Variants in PLXND1 observed in about 807,000 individuals in gnomAD.
The protein encoded by PLXND1 is plexin D1.
PLXND1 carries 54 observed loss-of-function variants against 197.7 expected under a neutral mutation model. The ratio of observed to expected loss-of-function variants is 0.27; its 90% CI spans 0.22 to 0.34. The LOEUF is 0.34. PLXND1 is among the 10% of genes least tolerant of loss of function. PLXND1 has a pLI of 1.00. For synonymous variants in PLXND1, 1,180 were observed against 1,161.2 expected (o/e 1.02, Z -0.33); for missense variants, 2,127 against 2,699.2 (o/e 0.79, Z 4.70).
chr3:129,556,853 G>A (rs892967406), intron 34 of PLXND1, 162 bp from the exon 35 acceptor site: 7 of 691,056 alleles, frequency 1.0e-5, no homozygotes, highest in African/African-American at 7.1e-5. Context: ...ACGGCTTCCC[G>A]GACCCTGAAG....
intron 3 of PLXND1, 85 bp downstream of exon 3, chr3:129,586,503 C>T (rs1000872594): frequency 2.3e-5 from 34 of 1,478,544 alleles, no homozygotes; most frequent in Non-Finnish European, 2.8e-5. Flanking sequence ...GTGCTCCCAG[C>T]AGAGGAACAG....
Position 129,561,706 on chromosome 3 carries a change from G to C in PLXND1, c.4933C>G (p.Pro1645Ala). The change falls in exon 29 of 36, where the codon CCT becomes GCT. Residue 1645 changes from proline to alanine, a missense_variant. Transcript: ENST00000324093. ...CTCATGGCCAGGGAGGCACCTTCAG[G>C]GATCTGATGGGAGGGGAGAGGCCGA... ...KLNTLAHYKIPEGASLAMSLI... is the reference protein window; with the variant it reads ...KLNTLAHYKIAEGASLAMSLI... The C allele has an allele frequency of 6.3e-7, 1 of 1,598,280 alleles. No homozygotes were observed.
rs200748769 is a variant in PLXND1, at chr3:129,573,577, G to A, written c.2837+17C>T. 46 of 1,607,720 alleles carry A rather than the reference G, an allele frequency of 2.9e-5. No individual in the cohort carries two copies. The highest frequency in any genetic ancestry group is 8.4e-5 in the Admixed American group (5 of 59,804). The stretch of plus-strand genomic sequence containing the variant: ...GCACTGCTGGAGAAGGTAGGTGGGG[G>A]CACCGTGGCTACTCACTCCTCCGAC... On this transcript the variant is annotated intron_variant, in intron 13 of 35. Coordinates refer to ENST00000324093, the MANE Select transcript of PLXND1 (RefSeq NM_015103.3).
intron 25 of PLXND1, among the ~76,000 whole-genome samples, chr3:129,564,985 C>T (rs2085117101): frequency 6.6e-6 from 1 of 152,256 alleles, no homozygotes; most frequent in African/African-American, 2.4e-5. Flanking sequence ...CTCGCCTAGC[C>T]TAGGGCTGGG....
At position 129,605,546 on chromosome 3, in the gene PLXND1, C is replaced by A; in HGVS notation, c.1094G>T (p.Arg365Leu). ...YSRLVSVFPA[R>L]ERLFAVFERP... ...CTCGAAGACAGCAAAGAGCCGCTCC[C>A]GGGCTGGGAAGACCGACACCAGGCG... The change falls in exon 1 of 36, where the codon CGG (arginine) becomes CTG (leucine). Residue 365 changes from arginine to leucine, a missense_variant. Coordinates refer to ENST00000324093, the MANE Select transcript of PLXND1 (RefSeq NM_015103.3). The A allele has an allele frequency of 1.3e-6, 2 of 1,508,178 alleles. No individual in the cohort carries two copies. Among genetic ancestry groups the A allele is most frequent in the Non-Finnish European group, 1.8e-6 (2 of 1,131,364 alleles). 93.4% of individuals were successfully genotyped at this position (1,508,178 alleles called of 1,614,324 possible). A position where few individuals can be genotyped will look rare whatever the true frequency, so the allele number is the denominator to read the frequency against.
chr3:129,572,819 A>C (rs1272788967), intron 14 of PLXND1, 23 bp downstream of exon 14: 1 of 1,612,380 alleles, frequency 6.2e-7, no homozygotes. Context: ...CGGGCCGGAC[A>C]GTGGGCTGCA....
intron 25 of PLXND1, among the ~76,000 whole-genome samples, chr3:129,564,122 GC>G (rs1241211566): frequency 3.3e-5 from 5 of 152,208 alleles, no homozygotes; most frequent in Non-Finnish European, 7.3e-5. Context: ...CAGTGAGGCA[GC>G]CCGCAGAAGG....
intron 20 of PLXND1, 196 bp downstream of exon 20, chr3:129,569,647 C>A: frequency 1.8e-6 from 1 of 568,200 alleles, no homozygotes; most frequent in Non-Finnish European, 3.2e-6. Context: ...GGCCACCTAA[C>A]ATCTTCTACC....
At position 129,605,866 on chromosome 3, in the gene PLXND1, G is replaced by A. The variant is rs377056823; in HGVS notation, c.774C>T (p.Asn258=). 113 of 1,613,546 alleles carry A rather than the reference G, an allele frequency of 7.0e-5. No homozygotes were observed. Among genetic ancestry groups the A allele is most frequent in the Non-Finnish European group, 7.6e-5 (90 of 1,179,912 alleles). The change falls in exon 1 of 36, where the codon AAC becomes AAT. Residue 258 remains asparagine (N), a synonymous_variant. Transcript: ENST00000324093. ...DLAKLFTFDL[N]PSDDNILKIK... ...TCTTGAGGATGTTGTCGTCGGAGGG[G>A]TTGAGGTCGAAGGTGAAGAGCTTGG...
intron 9 of PLXND1, 83 bp from the exon 10 acceptor site, chr3:129,575,938 G>C (rs113081944): frequency 1.2e-6 from 1 of 803,658 alleles, no homozygotes; most frequent in Admixed American, 2.0e-5. Context: ...AGGACACCAC[G>C]GGCTCCTGCT....
intron 2 of PLXND1, among the ~76,000 whole-genome samples, chr3:129,588,425 C>G (rs958868790): frequency 3.4e-5 from 5 of 148,954 alleles, no homozygotes; most frequent in African/African-American, 7.3e-5. Flanking sequence ...GGAGAAGAAA[C>G]TGGCCCCAAG....
chr3:129,560,588 C>A (rs1470742214), intron 30 of PLXND1, 101 bp downstream of exon 30: 4 of 1,033,636 alleles, frequency 3.9e-6, no homozygotes, highest in Non-Finnish European at 6.0e-6. Flanking sequence ...CAGCCTTTCG[C>A]AGGGCTGGGA....
In PLXND1 at chr3:129,560,410, C is replaced by T. The variant is rs758434379; in HGVS notation, c.5053G>A (p.Glu1685Lys). 2.5e-6 allele frequency: 4 copies of T among 1,613,784 alleles called. No homozygotes were observed. In the East Asian group the frequency reaches 6.7e-5, roughly 27 times the overall value. Residue 1685 changes from glutamate to lysine, a missense_variant, in exon 31 of 36, where the codon GAG (glutamate) becomes AAG (lysine). Glu to Lys is a moderately conservative substitution (Grantham distance 56). Coordinates refer to ENST00000324093, the MANE Select transcript of PLXND1 (RefSeq NM_015103.3). ...CTCTGCCGGTGAGACTTCTTGGGCT[C>T]CGCCAGCTCGTCCGTAGGCAGCACC... ...HLVLPTDELAEPKKSHRQSHR... is the reference protein window; with the variant it reads ...HLVLPTDELAKPKKSHRQSHR...
chr3:129,555,250 T>C lies in PLXND1; in HGVS notation c.*1062A>G. ...GTAAGGCTTTTATTATAAAGAAGATTCCAGAGTCCCAGCTGCCCCCCTCCA... is the reference window on the plus strand; with the variant it reads ...GTAAGGCTTTTATTATAAAGAAGATCCCAGAGTCCCAGCTGCCCCCCTCCA... On this transcript the variant is annotated 3_prime_UTR_variant, in exon 36 of 36. Coordinates refer to ENST00000324093, the MANE Select transcript of PLXND1 (RefSeq NM_015103.3). The C allele has an allele frequency of 2.2e-6, 1 of 454,786 alleles. No homozygotes were observed. The highest frequency in any genetic ancestry group is 3.8e-6 in the Non-Finnish European group (1 of 259,866). The allele number at this position is 454,786 out of a possible 1,614,324, so 28.2% of individuals were successfully genotyped here.
chr3:129,582,312 T>A (rs1366438456), intron 8 of PLXND1, among the ~76,000 whole-genome samples: 2 of 152,212 alleles, frequency 1.3e-5, no homozygotes, highest in African/African-American at 4.8e-5. Context: ...CTGAGCTCAG[T>A]GCAAAAAGGC....
intron 1 of PLXND1, among the ~76,000 whole-genome samples, chr3:129,595,582 G>C (rs2085608317): frequency 6.6e-6 from 1 of 152,212 alleles, no homozygotes; most frequent in African/African-American, 2.4e-5. Flanking sequence ...GAAGAGCAGA[G>C]GCTTCAGACA....
At position 129,583,566 on chromosome 3, in the gene PLXND1, C is replaced by T; in HGVS notation, c.2241+1G>A. On this transcript the variant is annotated splice_donor_variant, in intron 8 of 35. Transcript: ENST00000324093. LOFTEE classifies it high-confidence loss of function. ...CGGAGGGGCCCCCTAGCCTGGCTTA[C>T]CGTGGGGTTTGGTGAGGCCTCGCAC... The T allele has an allele frequency of 2.5e-6, 4 of 1,608,752 alleles. No homozygotes were observed. The highest frequency in any genetic ancestry group is 3.4e-6 in the Non-Finnish European group (4 of 1,176,032).
At chr3:129,579,952 A>G (rs566168445) in intron 8 of PLXND1, among the ~76,000 whole-genome samples, 7 of 152,296 alleles carry the variant, frequency 4.6e-5, no homozygotes, top group African/African-American at 1.2e-4. Flanking sequence ...TAATGCTAAT[A>G]ACAGTGGCAG....
chr3:129,589,432 C>A lies in PLXND1; in HGVS notation c.1407G>T (p.Pro469=), dbSNP rs546020083. Residue 469 remains proline (P), a synonymous_variant, in exon 2 of 36, where the codon CCG becomes CCT. Transcript: ENST00000324093. ...TGGCCACGGCCACGGAGGTGAGGCC[C>A]GGGGCGCGGAACACGGGCGTGGCCT... is the stretch of plus-strand genomic sequence containing the variant. ...PLKATPVFRA[P]GLTSVAVASV... 6.2e-7 allele frequency: 1 copy of A among 1,611,800 alleles called. No homozygotes were observed.
Sources: allele counts gnomAD v4.1 joint callset (sites outside exome capture counted in the v4.1 genomes callset), GRCh38; gene constraint gnomAD v4.1.1; transcripts MANE v1.5; gene names NCBI Gene and HGNC (gene_info 2026-07-23, HGNC 2026-07-21).